HDAC9: variants seen among roughly 807,000 people sequenced by gnomAD.
HDAC9 encodes MEF-2 interacting transcription repressor (MITR) protein.
A neutral mutation model predicts 139.4 loss-of-function variants in HDAC9; 41 were observed. That is an observed-to-expected ratio of 0.29 (90% confidence interval 0.23 to 0.38). HDAC9 has a LOEUF of 0.38. Ranked by LOEUF, HDAC9 falls within the 10% of genes least tolerant of loss-of-function variation. The probability of loss-of-function intolerance (pLI) is 1.00; values close to 1 mark genes in which losing one functional copy is unlikely to be tolerated. For missense variants in HDAC9, 1,147 were observed against 1,297.0 expected (o/e 0.88, Z 1.78); for synonymous variants, 517 against 476.2 (o/e 1.09, Z -1.12).
At chr7:18,752,795 C>T (rs113648521) in intron 14 of HDAC9, among the ~76,000 whole-genome samples, 3,218 of 152,158 alleles carry the variant, frequency 0.021, 44 homozygotes, top group Non-Finnish European at 0.032. Context: ...AGTCGTCTGC[C>T]GTCTTTGGGA....
intron 1 of HDAC9, among the ~76,000 whole-genome samples, chr7:18,113,486 A>C (rs1783764703): frequency 6.6e-6 from 1 of 152,254 alleles, no homozygotes; most frequent in South Asian, 2.1e-4. Flanking sequence ...CGAGATGATC[A>C]GAAATGGGAT....
intron 1 of HDAC9, among the ~76,000 whole-genome samples, chr7:18,124,885 C>T (rs947662426): frequency 8.4e-4 from 123 of 147,286 alleles, no homozygotes; most frequent in African/African-American, 3.0e-3. Context: ...CTCAGTTTTT[C>T]TTTCTTTCTT....
At chr7:18,139,150 G>T (rs1231259398) in intron 1 of HDAC9, among the ~76,000 whole-genome samples, 1 of 134,512 alleles carries the variant, frequency 7.4e-6, no homozygotes, top group African/African-American at 2.8e-5. Flanking sequence ...TTTTGAGACA[G>T]GCTCTTGCTC....
intron 1 of HDAC9, among the ~76,000 whole-genome samples, chr7:18,307,169 C>G (rs1184356783): frequency 1.4e-5 from 2 of 144,482 alleles, no homozygotes. Context: ...GCAAGAGTAT[C>G]TTTTTTAAAG....
chr7:18,901,921 A>T (rs1801762961), intron 22 of HDAC9, among the ~76,000 whole-genome samples: 1 of 152,192 alleles, frequency 6.6e-6, no homozygotes, highest in Non-Finnish European at 1.5e-5. Context: ...TTTAGTCACA[A>T]GTTTTGTCTG....
intron 17 of HDAC9, among the ~76,000 whole-genome samples, chr7:18,810,141 T>G (rs1351015085): frequency 6.6e-6 from 1 of 151,818 alleles, no homozygotes; most frequent in Non-Finnish European, 1.5e-5. Context: ...TCTAAAATAG[T>G]TGAGCTCATA....
At chr7:18,099,627 A>G (rs1782720951) in intron 1 of HDAC9, among the ~76,000 whole-genome samples, 1 of 152,230 alleles carries the variant, frequency 6.6e-6, no homozygotes, top group South Asian at 2.1e-4. Flanking sequence ...TTTCAAAAGT[A>G]TAATGCTAAG....
chr7:18,802,558 C>T (rs1793391920), intron 17 of HDAC9, among the ~76,000 whole-genome samples: 1 of 151,834 alleles, frequency 6.6e-6, no homozygotes, highest in South Asian at 2.1e-4. Context: ...CCATATTTGG[C>T]TGCAGGATTT....
intron 2 of HDAC9, among the ~76,000 whole-genome samples, chr7:18,261,778 T>G (rs1795694432): frequency 6.6e-6 from 1 of 152,230 alleles, no homozygotes; most frequent in Non-Finnish European, 1.5e-5. Flanking sequence ...GTAAAAGGCA[T>G]ATTCCCTTTG....
At chr7:18,774,609 C>T (rs956409688) in intron 16 of HDAC9, among the ~76,000 whole-genome samples, 3 of 151,964 alleles carry the variant, frequency 2.0e-5, no homozygotes, top group African/African-American at 7.2e-5. Context: ...TCATCTGAGC[C>T]TTCAGTGAGT....
chr7:18,818,290 A>G (rs886434096), intron 17 of HDAC9, among the ~76,000 whole-genome samples: 14 of 152,238 alleles, frequency 9.2e-5, no homozygotes, highest in Admixed American at 5.9e-4. Flanking sequence ...GAAATTTTAA[A>G]AACAGAATCC....
At chr7:18,922,727 T>C (rs1803869498) in intron 22 of HDAC9, among the ~76,000 whole-genome samples, 1 of 152,122 alleles carries the variant, frequency 6.6e-6, no homozygotes, top group Non-Finnish European at 1.5e-5. Flanking sequence ...TGCAGTAGGC[T>C]ATAGAACCTG....
chr7:18,607,385 G>A (rs1326828080), intron 6 of HDAC9, among the ~76,000 whole-genome samples: 3 of 152,232 alleles, frequency 2.0e-5, no homozygotes, highest in Non-Finnish European at 4.4e-5. Context: ...TGGCACTTTT[G>A]ATGAGAGCTG....
At chr7:18,621,259 T>G (rs1446163544) in intron 6 of HDAC9, among the ~76,000 whole-genome samples, 1 of 151,694 alleles carries the variant, frequency 6.6e-6, no homozygotes, top group Non-Finnish European at 1.5e-5. Context: ...ATATAATGAT[T>G]CTCATTTTCA....
intron 12 of HDAC9, among the ~76,000 whole-genome samples, chr7:18,686,891 A>G (rs1298401602): frequency 6.6e-6 from 1 of 151,900 alleles, no homozygotes; most frequent in African/African-American, 2.4e-5. Flanking sequence ...ATCACACATC[A>G]GAATGTGCAA....
intron 24 of HDAC9, among the ~76,000 whole-genome samples, chr7:18,972,606 C>T (rs1176203419): frequency 1.3e-5 from 2 of 152,008 alleles, no homozygotes; most frequent in Non-Finnish European, 2.9e-5. Context: ...GTCTCAAATT[C>T]CTGACCTCAA....
chr7:18,657,873 G>A (rs1791736789), intron 11 of HDAC9, among the ~76,000 whole-genome samples: 1 of 152,028 alleles, frequency 6.6e-6, no homozygotes. Flanking sequence ...AGGCTGTCAT[G>A]ATCTGATTCT....
chr7:18,138,920 A>T (rs1232330183), intron 1 of HDAC9, among the ~76,000 whole-genome samples: 1 of 152,088 alleles, frequency 6.6e-6, no homozygotes, highest in African/African-American at 2.4e-5. Flanking sequence ...GAGACATGGT[A>T]ATCTCAACAA....
At chr7:18,944,074 T>C (rs1782204942) in intron 23 of HDAC9, among the ~76,000 whole-genome samples, 1 of 152,160 alleles carries the variant, frequency 6.6e-6, no homozygotes, top group African/African-American at 2.4e-5. Flanking sequence ...CAGATTTACT[T>C]ACACAATCAA....
Sources: allele counts gnomAD v4.1 joint callset (sites outside exome capture counted in the v4.1 genomes callset), GRCh38; gene constraint gnomAD v4.1.1; transcripts MANE v1.5; gene names NCBI Gene and HGNC (gene_info 2026-07-23, HGNC 2026-07-21).